SLC22A16: variants seen among roughly 807,000 people sequenced by gnomAD.
The protein encoded by SLC22A16 is solute carrier family 22 member 16.
Under a neutral mutation model 52.9 loss-of-function variants are expected in SLC22A16, and 53 were observed. That is an observed-to-expected ratio of 1.00 (90% confidence interval 0.80 to 1.26). SLC22A16 has a LOEUF of 1.26. SLC22A16 is among the 50% of genes most tolerant of loss of function. SLC22A16 has a pLI of 0.00. For missense variants in SLC22A16, 726 were observed against 704.0 expected, an observed-to-expected ratio of 1.03 and a Z score of -0.35; for synonymous variants, 291 against 268.8, an observed-to-expected ratio of 1.08 and a Z score of -0.81.
chr6:110,472,036 C>T (rs774803692), intron 1 of SLC22A16, among the ~76,000 whole-genome samples: 3 of 152,156 alleles, frequency 2.0e-5, no homozygotes, highest in Non-Finnish European at 2.9e-5. Flanking sequence ...ACCCAACTTC[C>T]CACTTGATGT....
intron 1 of SLC22A16, among the ~76,000 whole-genome samples, chr6:110,470,360 A>G (rs1776218138): frequency 6.6e-6 from 1 of 152,194 alleles, no homozygotes; most frequent in Admixed American, 6.5e-5. Flanking sequence ...AACAGCAGGC[A>G]TGTTTAACTT....
chr6:110,455,445 A>C, intron 2 of SLC22A16: 1 of 152,084 alleles, frequency 6.6e-6, no homozygotes, highest in Non-Finnish European at 1.5e-5. Context: ...CATGTTTATC[A>C]GCCCCATTAG....
rs149143907 is a variant in SLC22A16, at chr6:110,466,669, G to A, written c.54-9652C>T. Among the ~76,000 whole-genome samples, 518 of 152,272 alleles carry A rather than the reference G, an allele frequency of 3.4e-3. 1 individual carries two copies. The highest frequency in any genetic ancestry group is 5.8e-3 in the Non-Finnish European group (394 of 68,010). On this transcript the variant is annotated intron_variant, in intron 1 of 7. Coordinates refer to ENST00000368919, the MANE Select transcript of SLC22A16 (RefSeq NM_033125.4). Reference sequence around the variant, plus strand: ...GGAGAAAAGGGAACATTTATACACTGTTAGCAGGAATATGAATTAGTACAA... The same window carrying A: ...GGAGAAAAGGGAACATTTATACACTATTAGCAGGAATATGAATTAGTACAA...
At chr6:110,469,747 A>T (rs190756873) in intron 1 of SLC22A16, among the ~76,000 whole-genome samples, 1,820 of 152,132 alleles carry the variant, frequency 0.012, 35 homozygotes, top group African/African-American at 0.041. Flanking sequence ...ATATGTACTA[A>T]TTTTTTGTAA....
chr6:110,433,223 G>C (rs1429126846), intron 6 of SLC22A16, among the ~76,000 whole-genome samples: 2 of 152,124 alleles, frequency 1.3e-5, no homozygotes, highest in Non-Finnish European at 2.9e-5. Flanking sequence ...TATACCCCTG[G>C]TCACATATTA....
At chr6:110,425,772 A>G (rs571363561) in intron 7 of SLC22A16, among the ~76,000 whole-genome samples, 2 of 152,410 alleles carry the variant, frequency 1.3e-5, no homozygotes, top group East Asian at 3.9e-4. Flanking sequence ...TGCAGGTCAC[A>G]TTAAAAATTA....
intron 5 of SLC22A16, among the ~76,000 whole-genome samples, chr6:110,437,337 C>T (rs1382836455): frequency 6.7e-6 from 1 of 148,788 alleles, no homozygotes; most frequent in East Asian, 2.0e-4. Context: ...TCTGGTGTTC[C>T]CCAACTCTTC....
At chr6:110,462,843 C>A (rs1775933039) in intron 1 of SLC22A16, among the ~76,000 whole-genome samples, 1 of 151,834 alleles carries the variant, frequency 6.6e-6, no homozygotes, top group African/African-American at 2.4e-5. Flanking sequence ...AAGTTTAATG[C>A]TAAAGAAAAA....
chr6:110,445,617 C>A (rs1775139888), intron 3 of SLC22A16, among the ~76,000 whole-genome samples: 1 of 152,210 alleles, frequency 6.6e-6, no homozygotes, highest in African/African-American at 2.4e-5. Context: ...GGCCACATTT[C>A]ACGGATGTAT....
chr6:110,442,496 T>G lies in SLC22A16; in HGVS notation c.931A>C (p.Met311Leu), dbSNP rs1179812177. The change falls in exon 4 of 8, where the codon ATG becomes CTG. Residue 311 changes from methionine to leucine, a missense_variant. By Grantham distance (15) the Met-to-Leu change is conservative (BLOSUM62 2). Coordinates refer to ENST00000368919, the MANE Select transcript of SLC22A16 (RefSeq NM_033125.4). The part of the protein sequence containing the change: ...YEEAQKIVDI[M>L]AKWNRASSCK... ...GAGCTTGCCCTGTTCCACTTGGCCA[T>G]GATGTCAACTATTTTTTGTGCTTCT... The G allele has an allele frequency of 6.2e-7, 1 of 1,614,204 alleles. No homozygotes were observed. The highest frequency in any genetic ancestry group is 1.7e-5 in the Admixed American group (1 of 60,036).
At chr6:110,466,816 C>T (rs1026489351) in intron 1 of SLC22A16, among the ~76,000 whole-genome samples, 3 of 152,068 alleles carry the variant, frequency 2.0e-5, no homozygotes, top group East Asian at 3.8e-4. Context: ...CAAAAAGACA[C>T]CTGCATTTGT....
At chr6:110,428,378 C>A (rs149403646) in intron 7 of SLC22A16, among the ~76,000 whole-genome samples, 6 of 152,294 alleles carry the variant, frequency 3.9e-5, no homozygotes, top group African/African-American at 4.8e-5. Context: ...ATGGGCCACT[C>A]AGGGACAGGC....
intron 3 of SLC22A16, among the ~76,000 whole-genome samples, chr6:110,444,351 T>C (rs1775087212): frequency 1.3e-5 from 2 of 152,236 alleles, no homozygotes; most frequent in Admixed American, 1.3e-4. Context: ...AATCATACAA[T>C]TAACTTTTGT....
chr6:110,459,056 A>T (rs1285484852), intron 1 of SLC22A16, among the ~76,000 whole-genome samples: 1 of 152,144 alleles, frequency 6.6e-6, no homozygotes, highest in East Asian at 1.9e-4. Context: ...GAAGCCTGAC[A>T]AATACAATAC....
intron 7 of SLC22A16, among the ~76,000 whole-genome samples, chr6:110,427,190 T>C (rs1397794197): frequency 2.1e-5 from 3 of 143,712 alleles, no homozygotes; most frequent in East Asian, 2.1e-4. Flanking sequence ...AGAGGTTGCA[T>C]TGAGCCAAGA....
At chr6:110,458,380 C>T (rs1775747573) in intron 1 of SLC22A16, among the ~76,000 whole-genome samples, 2 of 152,160 alleles carry the variant, frequency 1.3e-5, no homozygotes, top group African/African-American at 4.8e-5. Context: ...TCTTTTGTCT[C>T]TTTGTCTTGT....
intron 7 of SLC22A16, among the ~76,000 whole-genome samples, chr6:110,427,680 A>G (rs993084879): frequency 6.6e-6 from 1 of 152,196 alleles, no homozygotes; most frequent in African/African-American, 2.4e-5. Flanking sequence ...TTGTATTTTT[A>G]GTAGAGACGG....
chr6:110,424,796 A>T lies in SLC22A16; in HGVS notation c.*77T>A. ...AAGACATACAAACAACATATGGGAG[A>T]TGAGAATAAGATTCCTCTAATACAA... On this transcript the variant is annotated 3_prime_UTR_variant, in exon 8 of 8. Transcript: ENST00000368919. 6.6e-7 allele frequency: 1 copy of T among 1,511,302 alleles called. No individual in the cohort carries two copies. Among genetic ancestry groups the T allele is most frequent in the Non-Finnish European group, 9.1e-7 (1 of 1,101,212 alleles). 93.6% of individuals were successfully genotyped at this position (1,511,302 alleles called of 1,614,324 possible).
intron 6 of SLC22A16, among the ~76,000 whole-genome samples, chr6:110,432,788 G>C (rs1331869385): frequency 6.6e-6 from 1 of 152,126 alleles, no homozygotes; most frequent in Non-Finnish European, 1.5e-5. Flanking sequence ...ATCTGTGCAG[G>C]GCTGCCACTT....
Sources: allele counts gnomAD v4.1 joint callset (sites outside exome capture counted in the v4.1 genomes callset), GRCh38; gene constraint gnomAD v4.1.1; transcripts MANE v1.5; gene names NCBI Gene and HGNC (gene_info 2026-07-23, HGNC 2026-07-21).